The following LRP1B variants were observed in gnomAD, a reference collection of about 807,000 sequenced individuals.
LRP1B encodes the protein LDL receptor related protein 1B, also known as low-density lipoprotein receptor-related protein 1B.
LRP1B carries 217 observed loss-of-function variants against 556.6 expected under a neutral mutation model. That is an observed-to-expected ratio of 0.39 (90% CI 0.35 to 0.44). The LOEUF is 0.44. Ranked by LOEUF, LRP1B falls within the 20% of genes least tolerant of loss-of-function variation. The pLI is 1.00. For synonymous variants in LRP1B, 2,047 were observed against 1,865.8 expected (o/e 1.10, Z -2.50); for missense variants, 5,053 against 5,620.8 (o/e 0.90, Z 3.23).
At chr2:141,268,190 A>G (rs1684961572) in intron 3 of LRP1B, among the ~76,000 whole-genome samples, 1 of 152,182 alleles carries the variant, frequency 6.6e-6, no homozygotes, top group Admixed American at 6.5e-5. Flanking sequence ...AAATGTAACA[A>G]CTGAACATAT....
At chr2:142,014,139 A>G (rs1469363931) in intron 1 of LRP1B, among the ~76,000 whole-genome samples, 3 of 140,914 alleles carry the variant, frequency 2.1e-5, no homozygotes, top group African/African-American at 6.5e-5. Flanking sequence ...GGAATTCCCT[A>G]CTCCGTCTGT....
chr2:141,646,442 C>T (rs1174953903), intron 2 of LRP1B, among the ~76,000 whole-genome samples: 1 of 151,952 alleles, frequency 6.6e-6, no homozygotes, highest in Non-Finnish European at 1.5e-5. Context: ...CATTGAGGGC[C>T]TGTGATACAC....
Position 140,453,020 on chromosome 2 carries a change from ACTGT to A in LRP1B, c.9964-2363_9964-2360del, listed in dbSNP as rs1390823765. The stretch of plus-strand genomic sequence containing the variant: ...AGAAAACTTATCTTTATAGATAGTG[ACTGT>A]CTGGGGATATGAGGGAAAGCAGTTA... On this transcript the variant is annotated intron_variant, in intron 62 of 90. Transcript: ENST00000389484. Among the ~76,000 whole-genome samples the A allele has an allele frequency of 2.2e-3, 316 of 145,688 alleles. 2 individuals carry two copies. The highest frequency in any genetic ancestry group is 7.7e-3 in the African/African-American group (301 of 39,290).
At chr2:142,003,569 AG>A (rs781318248) in intron 1 of LRP1B, among the ~76,000 whole-genome samples, 2 of 152,344 alleles carry the variant, frequency 1.3e-5, no homozygotes, top group South Asian at 4.1e-4. Flanking sequence ...CAGAATGAGC[AG>A]GACCACCTAA....
intron 2 of LRP1B, among the ~76,000 whole-genome samples, chr2:141,757,543 G>A (rs991670278): frequency 4.0e-5 from 6 of 151,830 alleles, no homozygotes; most frequent in African/African-American, 1.5e-4. Context: ...TATTGGTTGA[G>A]GAGTAATCAA....
At chr2:141,071,803 C>T (rs182677441) in intron 7 of LRP1B, among the ~76,000 whole-genome samples, 38 of 152,032 alleles carry the variant, frequency 2.5e-4, no homozygotes, top group Admixed American at 1.4e-3. Context: ...ACAAGGGACG[C>T]GAAGGACCTC....
intron 3 of LRP1B, among the ~76,000 whole-genome samples, chr2:141,257,385 C>A (rs1684513441): frequency 6.6e-6 from 1 of 151,930 alleles, no homozygotes; most frequent in Admixed American, 6.6e-5. Context: ...CCATGTAATC[C>A]CTGGAGCCCA....
At chr2:140,752,344 G>A (rs1370209593) in intron 35 of LRP1B, among the ~76,000 whole-genome samples, 3 of 92,054 alleles carry the variant, frequency 3.3e-5, no homozygotes, top group Admixed American at 2.4e-4. Flanking sequence ...TTTTTTAATA[G>A]GCAGAGTCCC....
chr2:141,113,206 G>A (rs1271920481), intron 7 of LRP1B, among the ~76,000 whole-genome samples: 2 of 152,066 alleles, frequency 1.3e-5, no homozygotes, highest in African/African-American at 4.8e-5. Context: ...GCAAGAAATT[G>A]CTGGCAAGAA....
chr2:140,317,252 G>C (rs1185350909), intron 82 of LRP1B, among the ~76,000 whole-genome samples: 2 of 152,116 alleles, frequency 1.3e-5, no homozygotes, highest in Middle Eastern at 6.8e-3. Flanking sequence ...TACTGGCAGG[G>C]GTTAAAATGG....
intron 2 of LRP1B, among the ~76,000 whole-genome samples, chr2:141,753,238 A>AAC (rs1412625348): frequency 8.9e-6 from 1 of 112,894 alleles, no homozygotes; most frequent in Non-Finnish European, 1.9e-5. Context: ...ACAAGAGCCA[A>AAC]ACACACACAC....
intron 66 of LRP1B, among the ~76,000 whole-genome samples, chr2:140,403,407 G>C (rs1226108893): frequency 6.6e-6 from 1 of 152,020 alleles, no homozygotes; most frequent in Admixed American, 6.6e-5. Context: ...ATTTTCGAGA[G>C]AGATAGATGT....
rs758136447 is a variant in LRP1B at position 141,005,437 on chromosome 2, T to C, written c.2401A>G (p.Asn801Asp). The stretch of plus-strand genomic sequence containing the variant: ...CAAAGTGTACTACAGCCCCCATTAT[T>C]TACTCGGCACATATTGTCACCTGCA... Reference protein sequence around the residue: ...KQQGDNMCRVNNGGCSTLCLA... With the variant: ...KQQGDNMCRVDNGGCSTLCLA... The change falls in exon 15 of 91, where the codon AAT (asparagine) becomes GAT (aspartate). Residue 801 changes from asparagine (N) to aspartate (D), a missense_variant. Asn to Asp is a conservative substitution (Grantham distance 23, BLOSUM62 1). Coordinates refer to ENST00000389484, the MANE Select transcript of LRP1B (RefSeq NM_018557.3). The C allele has an allele frequency of 2.5e-6, 4 of 1,610,800 alleles. No homozygotes were observed. The African/African-American group carries it at 4.0e-5, about 16-fold the overall frequency.
At chr2:140,274,279 TACTCTC>T (rs1257003290) in intron 85 of LRP1B, 139 bp downstream of exon 85, 7 of 660,426 alleles carry the variant, frequency 1.1e-5, no homozygotes, top group African/African-American at 3.7e-5. Context: ...GAACTAGACT[TACTCTC>T]TAATCATAAA....
intron 2 of LRP1B, among the ~76,000 whole-genome samples, chr2:141,634,362 GAAA>G (rs1689024330): frequency 6.6e-6 from 1 of 151,642 alleles, no homozygotes; most frequent in Non-Finnish European, 1.5e-5. Flanking sequence ...ATTTAAAATA[GAAA>G]AATTATACTA....
At chr2:141,422,331 G>T (rs1680176178) in intron 3 of LRP1B, among the ~76,000 whole-genome samples, 1 of 152,154 alleles carries the variant, frequency 6.6e-6, no homozygotes, top group African/African-American at 2.4e-5. Context: ...AAGAGGAGAT[G>T]TAAAGAATAA....
intron 41 of LRP1B, among the ~76,000 whole-genome samples, chr2:140,602,555 A>T (rs562912232): frequency 6.6e-6 from 1 of 152,016 alleles, no homozygotes; most frequent in Non-Finnish European, 1.5e-5. Flanking sequence ...TTACAGACAG[A>T]GCATTTCCCC....
In LRP1B at chr2:141,579,724, C is replaced by CTTTT. The variant is rs33913417; in HGVS notation, c.206-99195_206-99192dup. ...CATAAGGAAAACATATCAGGTTTCA[C>CTTTT]TTTTTTTTTTTTTTTTTTGAGACGG... is the stretch of plus-strand genomic sequence containing the variant. On this transcript the variant is annotated intron_variant, in intron 2 of 90. Coordinates refer to ENST00000389484, the MANE Select transcript of LRP1B (RefSeq NM_018557.3). 4.9e-3 allele frequency among the ~76,000 whole-genome samples: 497 copies of CTTTT among 100,942 alleles called. 51 individuals are homozygous for CTTTT. The highest frequency in any genetic ancestry group is 0.015 in the East Asian group (51 of 3,454). The allele number at this position is 100,942 out of a possible 152,430, so 66.2% of individuals were successfully genotyped here.
chr2:141,008,026 T>A (rs1697628884), intron 14 of LRP1B, among the ~76,000 whole-genome samples: 1 of 151,456 alleles, frequency 6.6e-6, no homozygotes, highest in Admixed American at 6.6e-5. Context: ...CCCAACGTAT[T>A]TTTGAATTTC....
Sources: allele counts gnomAD v4.1 joint callset (sites outside exome capture counted in the v4.1 genomes callset), GRCh38; gene constraint gnomAD v4.1.1; transcripts MANE v1.5; gene names NCBI Gene and HGNC (gene_info 2026-07-23, HGNC 2026-07-21).